EPHA5: variants seen among roughly 807,000 people sequenced by gnomAD.
The protein encoded by EPHA5 is EPH receptor A5.
EPHA5 carries 60 observed loss-of-function variants against 105.0 expected under a neutral mutation model. That is an observed-to-expected ratio of 0.57 (90% confidence interval 0.46 to 0.71). EPHA5 has a LOEUF of 0.71. Among genes scored for constraint, EPHA5 ranks in the 30% least tolerant of loss-of-function variants. EPHA5 has a pLI of 0.00. For missense variants in EPHA5, 1,218 were observed against 1,274.7 expected (o/e 0.96, Z 0.68); for synonymous variants, 513 against 449.1 (o/e 1.14, Z -1.80).
intron 3 of EPHA5, among the ~76,000 whole-genome samples, chr4:65,523,329 G>T (rs961457153): frequency 2.0e-5 from 3 of 151,882 alleles, no homozygotes; most frequent in African/African-American, 4.8e-5. Flanking sequence ...TTGGTGCTTA[G>T]GCTTTGAAGC....
At chr4:65,349,252 T>G (rs550671969) in intron 13 of EPHA5, among the ~76,000 whole-genome samples, 39 of 152,230 alleles carry the variant, frequency 2.6e-4, no homozygotes, top group African/African-American at 8.7e-4. Flanking sequence ...GGGTGTCTTG[T>G]TTGACTAAAC....
intron 8 of EPHA5, among the ~76,000 whole-genome samples, chr4:65,400,587 T>C (rs1160162603): frequency 6.6e-6 from 1 of 152,106 alleles, no homozygotes; most frequent in African/African-American, 2.4e-5. Flanking sequence ...GGTAGGAAGA[T>C]TCCAAAAGAT....
chr4:65,560,494 T>A (rs34671241), intron 3 of EPHA5, among the ~76,000 whole-genome samples: 31,930 of 152,030 alleles, frequency 0.21, 3,523 homozygotes, highest in South Asian at 0.26. Context: ...CTTCTCCTGA[T>A]GACATGAATA....
At chr4:65,403,433 A>G (rs550804885) in intron 8 of EPHA5, among the ~76,000 whole-genome samples, 10 of 152,006 alleles carry the variant, frequency 6.6e-5, no homozygotes, top group Non-Finnish European at 1.3e-4. Flanking sequence ...ATTTCCATGA[A>G]GACTTTCATT....
chr4:65,658,173 T>TA (rs1428400969), intron 1 of EPHA5, among the ~76,000 whole-genome samples: 2 of 152,088 alleles, frequency 1.3e-5, no homozygotes, highest in African/African-American at 4.8e-5. Flanking sequence ...GACCTAGGCA[T>TA]AAATATCAAA....
chr4:65,431,241 A>G (rs11942881), intron 5 of EPHA5, among the ~76,000 whole-genome samples: 10,083 of 152,218 alleles, frequency 0.066, 686 homozygotes, highest in African/African-American at 0.18. Context: ...ATGCAAATTC[A>G]ATTTTCTCTA....
At chr4:65,533,526 G>A (rs1453339934) in intron 3 of EPHA5, among the ~76,000 whole-genome samples, 2 of 152,064 alleles carry the variant, frequency 1.3e-5, no homozygotes, top group Non-Finnish European at 2.9e-5. Context: ...ATATTATGTA[G>A]TATCTTCTTT....
chr4:65,344,957 T>C lies in EPHA5; in HGVS notation c.2595+3097A>G, dbSNP rs1019094623. Among the ~76,000 whole-genome samples, 8 of 152,300 alleles carry C rather than the reference T, an allele frequency of 5.3e-5. No individual in the cohort carries two copies. The South Asian group carries it at 1.2e-3, about 24-fold the overall frequency. ...AGTGTGATGCTTAGATACAAAAATT[T>C]TGGAGAACCAGATTGAAATTTCTGG... On this transcript the variant is annotated intron_variant, in intron 14 of 16. Transcript: ENST00000613740.
chr4:65,467,549 G>A (rs1728838279), intron 5 of EPHA5, among the ~76,000 whole-genome samples: 1 of 152,268 alleles, frequency 6.6e-6, no homozygotes. Context: ...CAGGTTGAAA[G>A]ACCATAAGGA....
chr4:65,578,906 GC>G (rs1741333061), intron 3 of EPHA5, among the ~76,000 whole-genome samples: 1 of 152,012 alleles, frequency 6.6e-6, no homozygotes, highest in Non-Finnish European at 1.5e-5. Flanking sequence ...GGTGTAAAAT[GC>G]TAAAGACCGC....
At chr4:65,348,239 A>G (rs1359528756) in intron 13 of EPHA5, 36 bp from the exon 14 acceptor site, 4 of 1,582,530 alleles carry the variant, frequency 2.5e-6, no homozygotes, top group Non-Finnish European at 3.4e-6. Context: ...CTTCCTACAT[A>G]CTTCAAATGT....
intron 5 of EPHA5, among the ~76,000 whole-genome samples, chr4:65,422,643 T>C (rs1482809671): frequency 1.3e-5 from 2 of 152,064 alleles, no homozygotes; most frequent in African/African-American, 4.8e-5. Context: ...AGCTTTAAGA[T>C]ATGTGGAAAT....
chr4:65,525,887 T>C (rs1227010964), intron 3 of EPHA5, among the ~76,000 whole-genome samples: 1 of 151,914 alleles, frequency 6.6e-6, no homozygotes, highest in Non-Finnish European at 1.5e-5. Context: ...CTTTTAAAAA[T>C]CTTTTGGTAG....
At chr4:65,510,529 C>T (rs1268780969) in intron 3 of EPHA5, among the ~76,000 whole-genome samples, 4 of 152,028 alleles carry the variant, frequency 2.6e-5, no homozygotes, top group South Asian at 2.1e-4. Flanking sequence ...TCTATATGAC[C>T]CTTGACATTT....
intron 3 of EPHA5, among the ~76,000 whole-genome samples, chr4:65,530,812 C>T (rs891386225): frequency 2.0e-5 from 3 of 152,024 alleles, no homozygotes; most frequent in Non-Finnish European, 4.4e-5. Flanking sequence ...CCCATTCTTT[C>T]CTTTTTGCTT....
chr4:65,507,587 C>T (rs922418121), intron 3 of EPHA5, among the ~76,000 whole-genome samples: 1 of 152,076 alleles, frequency 6.6e-6, no homozygotes, highest in African/African-American at 2.4e-5. Context: ...CTTCACATCC[C>T]TTGTAAGTTG....
At chr4:65,522,306 A>G (rs916221106) in intron 3 of EPHA5, among the ~76,000 whole-genome samples, 11 of 117,500 alleles carry the variant, frequency 9.4e-5, no homozygotes, top group African/African-American at 1.9e-4. Context: ...ATGTGTGTGT[A>G]TATATATATG....
intron 2 of EPHA5, among the ~76,000 whole-genome samples, chr4:65,622,366 G>A (rs1192112459): frequency 6.6e-6 from 1 of 151,946 alleles, no homozygotes; most frequent in Admixed American, 6.6e-5. Context: ...TTTCATATAT[G>A]ACACTAGGTG....
At position 65,439,584 on chromosome 4, in the gene EPHA5, A is replaced by C. The variant is rs201177929; in HGVS notation, c.1403-19019T>G. ...CTGAGTAGAATTACAAGATGCTGAC[A>C]TAAAAGCATTTGAGTTAAGAAGAAA... On this transcript the variant is annotated intron_variant, in intron 5 of 16. Coordinates refer to ENST00000613740, the MANE Select transcript of EPHA5 (RefSeq NM_001281766.3). 3.5e-4 allele frequency among the ~76,000 whole-genome samples: 54 copies of C among 152,268 alleles called. No individual in the cohort carries two copies. The East Asian group carries it at 9.7e-3, about 27-fold the overall frequency.
Sources: allele counts gnomAD v4.1 joint callset (sites outside exome capture counted in the v4.1 genomes callset), GRCh38; gene constraint gnomAD v4.1.1; transcripts MANE v1.5; gene names NCBI Gene and HGNC (gene_info 2026-07-23, HGNC 2026-07-21).